Variants in SSBP3 observed in about 807,000 individuals in gnomAD.
SSBP3 encodes the protein single-stranded DNA-binding protein 3.
SSBP3 carries 5 observed loss-of-function variants against 69.6 expected under a neutral mutation model. The observed-to-expected ratio is 0.07, with a 90% CI of 0.04 to 0.15. SSBP3 has a LOEUF of 0.15. Ranked by LOEUF, SSBP3 falls within the 10% of genes least tolerant of loss-of-function variation. SSBP3 has a pLI of 1.00. For missense variants in SSBP3, 312 were observed against 534.0 expected (o/e 0.58, Z 4.10); for synonymous variants, 196 against 193.4 (o/e 1.01, Z -0.11).
At chr1:54,267,893 C>A (rs1645128502) in intron 5 of SSBP3, among the ~76,000 whole-genome samples, 1 of 152,146 alleles carries the variant, frequency 6.6e-6, no homozygotes, top group Non-Finnish European at 1.5e-5. Context: ...GCACAGCCAG[C>A]TCTCTTTATT....
At chr1:54,350,825 C>T (rs542364365) in intron 4 of SSBP3, among the ~76,000 whole-genome samples, 40 of 152,176 alleles carry the variant, frequency 2.6e-4, no homozygotes, top group African/African-American at 7.9e-4. Flanking sequence ...AAATAGAACC[C>T]GCACAGCTTC....
chr1:54,334,602 G>GT (rs1646477150), intron 4 of SSBP3, among the ~76,000 whole-genome samples: 1 of 152,124 alleles, frequency 6.6e-6, no homozygotes, highest in Non-Finnish European at 1.5e-5. Context: ...CCAAGCCAGG[G>GT]TCTCCTCTTC....
rs917627593 is a variant in SSBP3, at chr1:54,289,292, T to C, written c.277-7765A>G. ...TCACCAAGGGGTGTGTATGTGTGTG[T>C]CTGCACACACATGTGTGTCAAGGAA... On this transcript the variant is annotated intron_variant, in intron 4 of 17. Transcript: ENST00000610401. 6.0e-4 allele frequency among the ~76,000 whole-genome samples: 91 copies of C among 151,764 alleles called. 1 individual carries two copies. The highest frequency in any genetic ancestry group is 2.1e-3 in the African/African-American group (88 of 41,346).
intron 1 of SSBP3, 107 bp from the exon 2 acceptor site, chr1:54,405,037 T>C (rs942155967): frequency 4.0e-5 from 40 of 1,000,048 alleles, no homozygotes; most frequent in Non-Finnish European, 6.1e-5. Context: ...CGCCGTCCCA[T>C]TGTGGCCCCG....
chr1:54,383,971 T>C (rs941549689), intron 4 of SSBP3, among the ~76,000 whole-genome samples: 2 of 151,992 alleles, frequency 1.3e-5, no homozygotes, highest in Non-Finnish European at 2.9e-5. Flanking sequence ...CCGGGCATGG[T>C]GGCAGGCGCC....
chr1:54,327,260 G>GGAAC (rs1646325690), intron 4 of SSBP3, among the ~76,000 whole-genome samples: 2 of 132,924 alleles, frequency 1.5e-5, no homozygotes, highest in Non-Finnish European at 3.4e-5. Context: ...AAGGAAGGAA[G>GGAAC]GAAGGAAGGA....
chr1:54,267,106 G>C (rs1269094043), intron 5 of SSBP3, among the ~76,000 whole-genome samples: 1 of 152,200 alleles, frequency 6.6e-6, no homozygotes, highest in Non-Finnish European at 1.5e-5. Context: ...CAAAGAATTA[G>C]ATCCTCTGGG....
intron 4 of SSBP3, among the ~76,000 whole-genome samples, chr1:54,339,426 C>T (rs569220368): frequency 1.3e-5 from 2 of 152,336 alleles, no homozygotes; most frequent in South Asian, 4.1e-4. Flanking sequence ...CTGTCTGCAA[C>T]ATTTTAGCTA....
At chr1:54,312,616 T>C (rs914952735) in intron 4 of SSBP3, among the ~76,000 whole-genome samples, 1 of 152,084 alleles carries the variant, frequency 6.6e-6, no homozygotes, top group African/African-American at 2.4e-5. Flanking sequence ...TGTACACTCC[T>C]TCCTTCACAG....
At chr1:54,382,962 G>A (rs1432605214) in intron 4 of SSBP3, among the ~76,000 whole-genome samples, 4 of 121,618 alleles carry the variant, frequency 3.3e-5, no homozygotes, top group African/African-American at 1.4e-4. Flanking sequence ...TCCAGCCTGG[G>A]CAACAAGAGC....
At chr1:54,268,440 C>T (rs899283936) in intron 5 of SSBP3, among the ~76,000 whole-genome samples, 4 of 152,240 alleles carry the variant, frequency 2.6e-5, no homozygotes, top group South Asian at 2.1e-4. Context: ...TCCAGACACA[C>T]GGGTGCACAC....
chr1:54,333,556 A>G lies in SSBP3; in HGVS notation c.277-52029T>C, dbSNP rs1481506242. The stretch of plus-strand genomic sequence containing the variant: ...TGGGAGGCTGAGGGAACATAGTGAG[A>G]CCCCGTTTCTACATAACAAAACCAA... On this transcript the variant is annotated intron_variant, in intron 4 of 17. Coordinates refer to ENST00000610401, the Ensembl canonical transcript of SSBP3. Among the ~76,000 whole-genome samples the G allele has an allele frequency of 3.3e-5, 5 of 151,962 alleles. No homozygotes were observed. In the East Asian group the frequency reaches 9.8e-4, roughly 30 times the overall value.
chr1:54,320,896 A>G (rs1261805336), intron 4 of SSBP3, among the ~76,000 whole-genome samples: 1 of 152,224 alleles, frequency 6.6e-6, no homozygotes, highest in Non-Finnish European at 1.5e-5. Context: ...ATGAATGAAC[A>G]AGAGTACAAA....
At position 54,258,494 on chromosome 1, in the gene SSBP3, A is replaced by G. The variant is rs555865744; in HGVS notation, c.367-345T>C. On this transcript the variant is annotated intron_variant, in intron 5 of 17. Coordinates refer to ENST00000610401, the Ensembl canonical transcript of SSBP3. This position sits in a 1 kb window ranked among gnomAD's most constrained non-coding sequence, Gnocchi z 4.5. ...AATACGTTGGTTGAGACGGGCTCAG[A>G]GGGAGTACAATGATGCACAGACACA... 6.6e-5 allele frequency among the ~76,000 whole-genome samples: 10 copies of G among 152,334 alleles called. No homozygotes were observed. Among genetic ancestry groups the G allele is most frequent in the African/African-American group, 2.4e-4 (10 of 41,576 alleles).
chr1:54,242,275 G>A (rs996497423), intron 10 of SSBP3, 63 bp from the exon 11 acceptor site: 5 of 1,582,902 alleles, frequency 3.2e-6, no homozygotes, highest in African/African-American at 1.3e-5. Context: ...AGCGGTGGAG[G>A]CAGCAGGGGC....
intron 4 of SSBP3, among the ~76,000 whole-genome samples, chr1:54,398,425 T>C (rs1452364096): frequency 1.3e-5 from 2 of 152,132 alleles, no homozygotes; most frequent in African/African-American, 2.4e-5. Context: ...AGCTACCACA[T>C]GGAGAAAAAG....
chr1:54,310,710 T>A (rs1196947126), intron 4 of SSBP3, among the ~76,000 whole-genome samples: 1 of 82,478 alleles, frequency 1.2e-5, no homozygotes, highest in South Asian at 3.9e-4. Flanking sequence ...GCTGGGTGGG[T>A]GGGCCTAGAG....
chr1:54,390,902 CGGCGA>C (rs1648441202), intron 4 of SSBP3, among the ~76,000 whole-genome samples: 1 of 152,214 alleles, frequency 6.6e-6, no homozygotes, highest in Admixed American at 6.5e-5. Flanking sequence ...GTCTAAAAGC[CGGCGA>C]GCAGAGACCG....
intron 4 of SSBP3, among the ~76,000 whole-genome samples, chr1:54,343,965 A>G (rs1410963437): frequency 6.6e-6 from 1 of 152,208 alleles, no homozygotes; most frequent in Non-Finnish European, 1.5e-5. Context: ...GAGGAAGAGT[A>G]GTCTGTACTT....
Sources: allele counts gnomAD v4.1 joint callset (sites outside exome capture counted in the v4.1 genomes callset), GRCh38; gene constraint gnomAD v4.1.1; non-coding constraint Gnocchi (gnomAD v3.1); transcripts MANE v1.5; gene names NCBI Gene and HGNC (gene_info 2026-07-23, HGNC 2026-07-21).